STXBP4: variants seen among roughly 807,000 people sequenced by gnomAD.
STXBP4 encodes syntaxin binding protein 4, also known as syntaxin-binding protein 4.
STXBP4 carries 55 observed loss-of-function variants against 76.1 expected under a neutral mutation model. The observed-to-expected ratio is 0.72, with a 90% confidence interval of 0.58 to 0.91. STXBP4 has a LOEUF of 0.91. Among genes scored for constraint, STXBP4 ranks in the 40% least tolerant of loss-of-function variants. The pLI, the probability that STXBP4 is intolerant of heterozygous loss-of-function variation, is 0.00. For synonymous variants in STXBP4, 201 were observed against 220.2 expected (o/e 0.91, Z 0.77); for missense variants, 618 against 636.9 (o/e 0.97, Z 0.32).
At chr17:55,000,189 G>A in intron 6 of STXBP4, 2 of 984,968 alleles carry the variant, frequency 2.0e-6, no homozygotes, top group South Asian at 9.4e-5. Flanking sequence ...TGACTGAAGT[G>A]AGGCCATCTT....
chr17:55,072,972 CAG>C lies in STXBP4; in HGVS notation c.1085_1086del (p.Gln362ArgfsTer9). Reference protein sequence around the residue: ...RIHLAEAAQRQAHGMEMDYEE... With the variant: ...RIHLAEAAQRXAHGMEMDYEE... ...TCATCTTGCTGAAGCTGCTCAGAGA[CAG>C]GCACATGGAATGGAAATGGACTATG... On this transcript the variant is annotated frameshift_variant, in exon 13 of 18. Transcript: ENST00000376352. LOFTEE classifies it high-confidence loss of function. The C allele has an allele frequency of 6.2e-7, 1 of 1,613,924 alleles. No individual in the cohort carries two copies. Among genetic ancestry groups the C allele is most frequent in the Non-Finnish European group, 8.5e-7 (1 of 1,179,888 alleles).
intron 16 of STXBP4, 152 bp from the exon 17 acceptor site, chr17:55,141,158 C>T (rs567679208): frequency 1.1e-4 from 68 of 634,968 alleles, no homozygotes; most frequent in Non-Finnish European, 1.7e-4. Flanking sequence ...TATGAAAGCT[C>T]ATCTGAATTG....
At chr17:55,073,894 G>A (rs943982737) in intron 13 of STXBP4, among the ~76,000 whole-genome samples, 1 of 152,152 alleles carries the variant, frequency 6.6e-6, no homozygotes, top group Non-Finnish European at 1.5e-5. Flanking sequence ...CTTCCAAAGT[G>A]CTGGGATTAC....
intron 16 of STXBP4, among the ~76,000 whole-genome samples, chr17:55,090,673 G>T (rs942585495): frequency 6.6e-6 from 1 of 151,968 alleles, no homozygotes; most frequent in Non-Finnish European, 1.5e-5. Flanking sequence ...ATAAACAAAT[G>T]CATACATATA....
In STXBP4 at chr17:55,027,297, C is replaced by T. The variant is rs1450206363; in HGVS notation, c.667-3871C>T. Among the ~76,000 whole-genome samples the T allele has an allele frequency of 2.0e-5, 3 of 152,130 alleles. No individual in the cohort carries two copies. In the East Asian group the frequency reaches 5.8e-4, roughly 29 times the overall value. ...CACTCTGGTAGCTTAACACAAGGGACAGAAACTTGTGGGAACCCTATGGCC... is the reference window on the plus strand; with the variant it reads ...CACTCTGGTAGCTTAACACAAGGGATAGAAACTTGTGGGAACCCTATGGCC... On this transcript the variant is annotated intron_variant, in intron 8 of 17. Transcript: ENST00000376352.
In STXBP4 at chr17:55,170,918, C is replaced by A. The variant is rs939211920; in HGVS notation, c.*11007C>A. On this transcript the variant is annotated 3_prime_UTR_variant, in exon 18 of 18. Transcript: ENST00000376352. ...TATGTTTTCATTGTCTGGGGAGGGC[C>A]AAGTTTCATGACAGAGAAAGACTGG... 1 of 152,086 alleles carries A rather than the reference C, an allele frequency of 6.6e-6. No homozygotes were observed. Among genetic ancestry groups the A allele is most frequent in the Admixed American group, 6.5e-5 (1 of 15,272 alleles). 9.4% of individuals were successfully genotyped at this position (152,086 alleles called of 1,614,324 possible). A position where few individuals can be genotyped will look rare whatever the true frequency, so the allele number is the denominator to read the frequency against.
chr17:55,124,495 A>G (rs574216652), intron 16 of STXBP4, among the ~76,000 whole-genome samples: 2 of 152,358 alleles, frequency 1.3e-5, no homozygotes, highest in South Asian at 2.1e-4. Context: ...CAGCCTCACA[A>G]TGGATCTGCT....
chr17:55,112,028 A>G (rs901049632), intron 16 of STXBP4, among the ~76,000 whole-genome samples: 2 of 152,084 alleles, frequency 1.3e-5, no homozygotes, highest in African/African-American at 4.8e-5. Flanking sequence ...CTATTGTCCC[A>G]CTATAGCCTC....
chr17:54,981,813 G>T (rs2077554508), intron 1 of STXBP4, among the ~76,000 whole-genome samples: 1 of 152,010 alleles, frequency 6.6e-6, no homozygotes, highest in African/African-American at 2.4e-5. Flanking sequence ...TAATATTTAA[G>T]AACTCCTAGA....
At chr17:55,155,633 A>G (rs1257025933) in intron 17 of STXBP4, among the ~76,000 whole-genome samples, 1 of 152,072 alleles carries the variant, frequency 6.6e-6, no homozygotes, top group Non-Finnish European at 1.5e-5. Flanking sequence ...AGTGCCATCT[A>G]TGATGGAAGA....
chr17:55,197,126 G>A, the STXBP4 span, among the ~76,000 whole-genome samples: 3 of 152,124 alleles, frequency 2.0e-5, no homozygotes, highest in Non-Finnish European at 4.4e-5. Flanking sequence ...GCACCTCAAC[G>A]CTAAACAATT....
chr17:54,970,832 C>T (rs760163047), intron 1 of STXBP4, among the ~76,000 whole-genome samples: 1 of 152,124 alleles, frequency 6.6e-6, no homozygotes, highest in Admixed American at 6.5e-5. Flanking sequence ...CAAAATGAAA[C>T]TCTTATGTAC....
In STXBP4 at chr17:55,164,420, A is replaced by G. The variant is rs1357550957; in HGVS notation, c.*4509A>G. The G allele has an allele frequency of 2.6e-5, 3 of 113,942 alleles. No individual in the cohort carries two copies. Among genetic ancestry groups the G allele is most frequent in the Non-Finnish European group, 3.7e-5 (2 of 53,622 alleles). The allele number at this position is 113,942 out of a possible 1,614,324, so 7.1% of individuals were successfully genotyped here. On this transcript the variant is annotated 3_prime_UTR_variant, in exon 18 of 18. Transcript: ENST00000376352. The stretch of plus-strand genomic sequence containing the variant: ...CCATCACCCAATTATTCTCTATATC[A>G]CTCTACCCTGTTTATTTCTTTTTTT...
rs542673388 is a variant in STXBP4, at chr17:55,024,943, C to G, written c.667-6225C>G. Among the ~76,000 whole-genome samples the G allele has an allele frequency of 1.5e-3, 223 of 152,096 alleles. 1 individual carries two copies. The highest frequency in any genetic ancestry group is 5.1e-3 in the African/African-American group (213 of 41,484). On this transcript the variant is annotated intron_variant, in intron 8 of 17. Coordinates refer to ENST00000376352, the MANE Select transcript of STXBP4 (RefSeq NM_178509.6). ...ACGAGGTCAGGAGATCGAAACCATC[C>G]TGGCTAACACAGTGAAACCCCATCT...
the STXBP4 span, among the ~76,000 whole-genome samples, chr17:55,185,189 T>TTTCTTCTTCTTCTTCTTC: frequency 1.2e-3 from 103 of 87,736 alleles, 4 homozygotes; most frequent in Admixed American, 2.5e-3. Context: ...TCTTCTTCTT[T>TTTCTTCTTCTTCTTCTTC]TTCTTCTTCT....
At chr17:55,086,124 G>A (rs186526580) in intron 16 of STXBP4, among the ~76,000 whole-genome samples, 56 of 152,112 alleles carry the variant, frequency 3.7e-4, no homozygotes, top group African/African-American at 1.3e-3. Flanking sequence ...GAATATATTC[G>A]AAATTCTGCA....
chr17:55,175,817 T>C (rs1415075099), downstream of STXBP4, among the ~76,000 whole-genome samples: 1 of 152,172 alleles, frequency 6.6e-6, no homozygotes, highest in Non-Finnish European at 1.5e-5. Flanking sequence ...CATCCCAATC[T>C]CACTCCCTCC....
chr17:54,998,084 AAG>A (rs2077845827), intron 4 of STXBP4, among the ~76,000 whole-genome samples: 1 of 152,094 alleles, frequency 6.6e-6, no homozygotes, highest in Non-Finnish European at 1.5e-5. Flanking sequence ...TAGTCAGTGA[AAG>A]AGATAGTACT....
chr17:55,014,187 A>T (rs2078163477), intron 8 of STXBP4, among the ~76,000 whole-genome samples: 1 of 151,840 alleles, frequency 6.6e-6, no homozygotes, highest in Non-Finnish European at 1.5e-5. Context: ...CTTTAGGGGG[A>T]GGGAGGCAGA....
Sources: allele counts gnomAD v4.1 joint callset (sites outside exome capture counted in the v4.1 genomes callset), GRCh38; gene constraint gnomAD v4.1.1; transcripts MANE v1.5; gene names NCBI Gene and HGNC (gene_info 2026-07-23, HGNC 2026-07-21).